The following HSPA14 variants were observed in gnomAD, a reference collection of about 807,000 sequenced individuals.
HSPA14 encodes the protein heat shock 70 kDa protein 14.
HSPA14 carries 37 observed loss-of-function variants against 65.5 expected under a neutral mutation model. The ratio of observed to expected loss-of-function variants is 0.56; its 90% CI spans 0.43 to 0.74. The LOEUF (loss-of-function observed/expected upper bound fraction) is 0.74. Among genes scored for constraint, HSPA14 ranks in the 30% least tolerant of loss-of-function variants. The pLI is 0.00. For missense variants in HSPA14, 564 were observed against 607.6 expected (o/e 0.93, Z 0.75); for synonymous variants, 203 against 214.2 (o/e 0.95, Z 0.46).
rs778539836 is a variant in HSPA14 at position 14,846,304 on chromosome 10, A to G, written c.222-2305A>G. 1.6e-4 allele frequency: 154 copies of G among 985,286 alleles called. 1 individual carries two copies. Among genetic ancestry groups the G allele is most frequent in the Non-Finnish European group, 1.8e-4 (150 of 829,932 alleles). The allele number at this position is 985,286 out of a possible 1,614,324, so 61.0% of individuals were successfully genotyped here. On this transcript the variant is annotated intron_variant, in intron 3 of 13. Coordinates refer to ENST00000378372, the MANE Select transcript of HSPA14 (RefSeq NM_016299.4). ...AGTTAGGCCTGTATTCTATAAATCT[A>G]TTAATGGTAGCAAAGTGCATAAGAC...
chr10:14,867,173 C>G lies in HSPA14; in HGVS notation c.1084C>G (p.Pro362Ala). The stretch of plus-strand genomic sequence containing the variant: ...AGCTGTTGAGCTTCTCAATTCTATC[C>G]CTCCTGATGAAGTGATCCCTATTGG... ...FPAVELLNSI[P>A]PDEVIPIGAA... Residue 362 changes from proline to alanine, a missense_variant, in exon 11 of 14, where the codon CCT (proline) becomes GCT (alanine). By Grantham distance (27) the Pro-to-Ala change is conservative (BLOSUM62 -1). Coordinates refer to ENST00000378372, the MANE Select transcript of HSPA14 (RefSeq NM_016299.4). 6.2e-7 allele frequency: 1 copy of G among 1,613,248 alleles called. No homozygotes were observed. The highest frequency in any genetic ancestry group is 8.5e-7 in the Non-Finnish European group (1 of 1,179,338).
At chr10:14,871,214 G>A (rs1832851510) in intron 13 of HSPA14, among the ~76,000 whole-genome samples, 1 of 152,174 alleles carries the variant, frequency 6.6e-6, no homozygotes, top group South Asian at 2.1e-4. Flanking sequence ...GCCTAGGCTT[G>A]AAAATAGCAT....
intron 10 of HSPA14, among the ~76,000 whole-genome samples, chr10:14,861,843 C>T (rs552239303): frequency 1.3e-5 from 2 of 151,920 alleles, no homozygotes; most frequent in African/African-American, 4.8e-5. Context: ...GAAACACCGT[C>T]TCTACTAAAA....
Position 14,849,449 on chromosome 10 carries a change from G to A in HSPA14, c.377-272G>A, listed in dbSNP as rs1356467212. On this transcript the variant is annotated intron_variant, in intron 5 of 13. Transcript: ENST00000378372. Reference sequence around the variant, plus strand: ...ATGCGTTAGGAGCTTATTCTCCATGGAGTCAGTCTAATTCAGAAGATGGTT... The same window carrying A: ...ATGCGTTAGGAGCTTATTCTCCATGAAGTCAGTCTAATTCAGAAGATGGTT... 4 of 565,900 alleles carry A rather than the reference G, an allele frequency of 7.1e-6. No homozygotes were observed. The East Asian group carries it at 1.7e-4, about 25-fold the overall frequency. The allele number at this position is 565,900 out of a possible 1,614,324, so 35.1% of individuals were successfully genotyped here.
chr10:14,869,109 G>A (rs1832832040), intron 12 of HSPA14, among the ~76,000 whole-genome samples: 1 of 151,974 alleles, frequency 6.6e-6, no homozygotes, highest in African/African-American at 2.4e-5. Flanking sequence ...GCCTCCCAAA[G>A]CAGTATTGTT....
At chr10:14,852,644 T>C in intron 8 of HSPA14, 113 bp downstream of exon 8, 2 of 870,898 alleles carry the variant, frequency 2.3e-6, no homozygotes, top group Non-Finnish European at 3.5e-6. Flanking sequence ...GATGTGGTTT[T>C]TTCATTGCTT....
intron 1 of HSPA14, among the ~76,000 whole-genome samples, chr10:14,839,024 G>A (rs1833933111): frequency 6.6e-6 from 1 of 152,234 alleles, no homozygotes; most frequent in African/African-American, 2.4e-5. Flanking sequence ...GTCCCGGAGG[G>A]GCGGGGAGGC....
chr10:14,846,263 GA>G, intron 3 of HSPA14: 1 of 985,346 alleles, frequency 1.0e-6, no homozygotes, highest in African/African-American at 1.7e-5. Flanking sequence ...TGGAAACACA[GA>G]AGTACTTGAC....
Position 14,848,868 on chromosome 10 carries a change from G to T in HSPA14, c.349G>T (p.Ala117Ser). 3 of 1,568,104 alleles carry T rather than the reference G, an allele frequency of 1.9e-6. No homozygotes were observed. The East Asian group carries it at 6.7e-5, about 35-fold the overall frequency. ...ETKFVNPEDV[A>S]RLIFSKMKET... Reference sequence around the variant, plus strand: ...AAAATTTGTTAACCCAGAAGATGTTGCCAGACTGATATTTAGTAAAATGAA... The same window carrying T: ...AAAATTTGTTAACCCAGAAGATGTTTCCAGACTGATATTTAGTAAAATGAA... The change falls in exon 5 of 14, where the codon GCC becomes TCC. Residue 117 changes from alanine (A) to serine (S), a missense_variant. Physicochemically the swap from Ala to Ser is moderately conservative, Grantham distance 99 (BLOSUM62 1). Coordinates refer to ENST00000378372, the MANE Select transcript of HSPA14 (RefSeq NM_016299.4).
chr10:14,855,797 G>C, intron 9 of HSPA14, 44 bp from the exon 10 acceptor site: 1 of 990,960 alleles, frequency 1.0e-6, no homozygotes, highest in Non-Finnish European at 1.6e-6. Context: ...TCTTTCTCTT[G>C]TCCCTGTGTC....
At chr10:14,841,517 A>G (rs1833970858) in intron 3 of HSPA14, among the ~76,000 whole-genome samples, 1 of 152,192 alleles carries the variant, frequency 6.6e-6, no homozygotes, top group Non-Finnish European at 1.5e-5. Context: ...AAATTATAGT[A>G]CAGTGTCACA....
At chr10:14,869,837 C>T (rs186235931) in intron 12 of HSPA14, among the ~76,000 whole-genome samples, 38 of 152,288 alleles carry the variant, frequency 2.5e-4, no homozygotes, top group African/African-American at 7.7e-4. Context: ...TCTTCACATC[C>T]TCTCTGAGAC....
intron 9 of HSPA14, among the ~76,000 whole-genome samples, 171 bp from the exon 10 acceptor site, chr10:14,855,670 A>G (rs577570697): frequency 6.6e-6 from 1 of 152,280 alleles, no homozygotes; most frequent in South Asian, 2.1e-4. Context: ...CTCTTACTTA[A>G]TACCTTATTC....
At chr10:14,847,098 G>T in intron 3 of HSPA14, 1 of 889,404 alleles carries the variant, frequency 1.1e-6, no homozygotes. Context: ...TTGCATGTCT[G>T]CAGCCCTCGG....
chr10:14,849,701 T>C lies in HSPA14; in HGVS notation c.377-20T>C, dbSNP rs1171165571. 2.0e-6 allele frequency: 3 copies of C among 1,531,138 alleles called. No homozygotes were observed. The highest frequency in any genetic ancestry group is 2.7e-6 in the Non-Finnish European group (3 of 1,118,956). 94.8% of individuals were successfully genotyped at this position (1,531,138 alleles called of 1,614,324 possible). ...GTCATTTTCTTCTGTCATCAGAATT[T>C]TATATTTTTTAATATGCAGAAACGG... On this transcript the variant is annotated intron_variant, in intron 5 of 13. Transcript: ENST00000378372.
chr10:14,867,841 T>C lies in HSPA14; in HGVS notation c.1312T>C (p.Ser438Pro), dbSNP rs563548129. ...HTLQAPGSIS[S>P]VCLELYESDG... ...ATTGCAAGCCCCTGGAAGCATATCT[T>C]CAGTGTGCCTTGAACTCTATGAGTC... Residue 438 changes from serine (S) to proline (P), a missense_variant, in exon 12 of 14, where the codon TCA becomes CCA. Physicochemically the swap from Ser to Pro is moderately conservative, Grantham distance 74 (BLOSUM62 -1). Transcript: ENST00000378372. 1 of 1,614,166 alleles carries C rather than the reference T, an allele frequency of 6.2e-7. No individual in the cohort carries two copies. Among genetic ancestry groups the C allele is most frequent in the East Asian group, 2.2e-5 (1 of 44,884 alleles).
At chr10:14,840,192 T>C in intron 3 of HSPA14, 35 bp downstream of exon 3, 2 of 1,007,664 alleles carry the variant, frequency 2.0e-6, no homozygotes, top group South Asian at 2.4e-5. Flanking sequence ...AATATGGTAA[T>C]AGGAACATGT....
chr10:14,862,279 C>T (rs759412009), intron 10 of HSPA14, among the ~76,000 whole-genome samples: 82 of 151,818 alleles, frequency 5.4e-4, no homozygotes, highest in Non-Finnish European at 9.1e-4. Context: ...CCGCCTGCCT[C>T]GGCCTCCCAA....
intron 10 of HSPA14, among the ~76,000 whole-genome samples, chr10:14,866,731 T>C (rs1267325691): frequency 1.3e-5 from 2 of 152,106 alleles, no homozygotes; most frequent in African/African-American, 4.8e-5. Flanking sequence ...AAAAAAAAAC[T>C]TGGACAGTAC....
Sources: gnomAD v4.1 joint callset for allele counts (sites outside exome capture counted in the v4.1 genomes callset) on GRCh38, gnomAD v4.1.1 for gene constraint, MANE v1.5 for transcripts, NCBI Gene and HGNC (gene_info 2026-07-23, HGNC 2026-07-21) for gene names.